The following THSD7B variants were observed in gnomAD, a reference collection of about 807,000 sequenced individuals.
THSD7B encodes the protein thrombospondin type 1 domain containing 7B.
In THSD7B, 138 loss-of-function variants were observed where a neutral mutation model predicts 213.6. That is an observed-to-expected ratio of 0.65 (90% CI 0.56 to 0.74). THSD7B has a LOEUF of 0.74. Ranked by LOEUF, THSD7B falls within the 30% of genes least tolerant of loss-of-function variation. THSD7B has a pLI of 0.00. For missense variants in THSD7B, 1,931 were observed against 1,991.5 expected, an observed-to-expected ratio of 0.97 and a Z score of 0.58; for synonymous variants, 742 against 687.0, an observed-to-expected ratio of 1.08 and a Z score of -1.25.
At chr2:137,111,824 CTACTT>C (rs1688350384) in intron 4 of THSD7B, among the ~76,000 whole-genome samples, 1 of 152,178 alleles carries the variant, frequency 6.6e-6, no homozygotes, top group Non-Finnish European at 1.5e-5. Context: ...GCCATTTACT[CTACTT>C]GAGGCATTTC....
chr2:137,318,767 C>G (rs1390339787), intron 12 of THSD7B, among the ~76,000 whole-genome samples: 2 of 143,682 alleles, frequency 1.4e-5, no homozygotes, highest in Non-Finnish European at 3.0e-5. Context: ...TTTTCCAACT[C>G]TAAAATAGGA....
intron 12 of THSD7B, among the ~76,000 whole-genome samples, chr2:137,361,533 G>A (rs558469948): frequency 2.6e-4 from 39 of 152,218 alleles, no homozygotes; most frequent in African/African-American, 3.6e-4. Context: ...TAGAGAAGAC[G>A]TTAAATGACC....
intron 13 of THSD7B, among the ~76,000 whole-genome samples, chr2:137,410,621 A>G (rs1207396549): frequency 6.6e-6 from 1 of 152,118 alleles, no homozygotes; most frequent in African/African-American, 2.4e-5. Context: ...CATAGAGCCA[A>G]TCATCCCATC....
intron 5 of THSD7B, among the ~76,000 whole-genome samples, chr2:137,121,321 GA>G (rs1415412164): frequency 6.6e-6 from 1 of 152,154 alleles, no homozygotes; most frequent in Non-Finnish European, 1.5e-5. Flanking sequence ...GCACTGAGTA[GA>G]GGTTGCTCTG....
At chr2:136,826,849 A>G (rs1682653049) in intron 1 of THSD7B, among the ~76,000 whole-genome samples, 1 of 152,214 alleles carries the variant, frequency 6.6e-6, no homozygotes, top group Non-Finnish European at 1.5e-5. Context: ...ATGGAGAAGG[A>G]GTGATCTGAC....
At chr2:137,336,305 A>G (rs1684638374) in intron 12 of THSD7B, among the ~76,000 whole-genome samples, 1 of 152,170 alleles carries the variant, frequency 6.6e-6, no homozygotes, top group Non-Finnish European at 1.5e-5. Context: ...TTCCTCCACA[A>G]CCTATTATCT....
At chr2:137,195,199 C>A (rs561972675) in intron 7 of THSD7B, among the ~76,000 whole-genome samples, 1 of 151,470 alleles carries the variant, frequency 6.6e-6, no homozygotes, top group East Asian at 1.9e-4. Context: ...AAAGCAAAAC[C>A]CTGCATATAG....
At chr2:137,296,151 C>T (rs1356708822) in intron 12 of THSD7B, among the ~76,000 whole-genome samples, 1 of 152,062 alleles carries the variant, frequency 6.6e-6, no homozygotes, top group Non-Finnish European at 1.5e-5. Flanking sequence ...TTGCAAATTT[C>T]TTTTGCATGT....
intron 12 of THSD7B, among the ~76,000 whole-genome samples, chr2:137,320,605 G>C (rs1351265157): frequency 6.6e-6 from 1 of 152,104 alleles, no homozygotes; most frequent in Admixed American, 6.5e-5. Context: ...CAAAGCCCAA[G>C]GTCATGCTTT....
intron 2 of THSD7B, among the ~76,000 whole-genome samples, chr2:137,002,602 T>C (rs1310340199): frequency 3.3e-5 from 5 of 152,150 alleles, no homozygotes; most frequent in Admixed American, 2.0e-4. Flanking sequence ...TATTCTCTGT[T>C]CTCTATCATC....
At chr2:137,421,572 T>C (rs1686926706) in intron 14 of THSD7B, among the ~76,000 whole-genome samples, 1 of 152,166 alleles carries the variant, frequency 6.6e-6, no homozygotes, top group Non-Finnish European at 1.5e-5. Flanking sequence ...CACACCACCC[T>C]CCCCGAATTT....
At chr2:137,006,735 A>G (rs1333366199) in intron 2 of THSD7B, among the ~76,000 whole-genome samples, 3 of 152,198 alleles carry the variant, frequency 2.0e-5, no homozygotes, top group Non-Finnish European at 2.9e-5. Flanking sequence ...CTCATTTCCT[A>G]TTTGTTAAAC....
chr2:136,961,624 T>A (rs565871594), intron 2 of THSD7B, among the ~76,000 whole-genome samples: 1 of 152,280 alleles, frequency 6.6e-6, no homozygotes, highest in South Asian at 2.1e-4. Flanking sequence ...TACATATGCA[T>A]GTCCAACTGG....
intron 2 of THSD7B, among the ~76,000 whole-genome samples, chr2:136,887,315 TGTG>T (rs1683735892): frequency 6.6e-6 from 1 of 150,716 alleles, no homozygotes; most frequent in African/African-American, 2.4e-5. Context: ...TGTGTGTGTG[TGTG>T]TGTGTGTGTG....
intron 15 of THSD7B, among the ~76,000 whole-genome samples, chr2:137,463,740 A>C (rs2105083184): frequency 6.6e-6 from 1 of 152,194 alleles, no homozygotes; most frequent in Admixed American, 6.6e-5. Flanking sequence ...TTAGGGGAAA[A>C]GCTGTACATG....
At chr2:137,164,615 T>G (rs756136963) in intron 6 of THSD7B, among the ~76,000 whole-genome samples, 6 of 152,084 alleles carry the variant, frequency 3.9e-5, no homozygotes, top group African/African-American at 7.2e-5. Flanking sequence ...CAATAGCAAA[T>G]ACTTGGAACC....
chr2:137,163,823 C>G (rs1003971788), intron 6 of THSD7B, among the ~76,000 whole-genome samples: 1 of 152,174 alleles, frequency 6.6e-6, no homozygotes, highest in Admixed American at 6.5e-5. Flanking sequence ...ACCAAAGTGT[C>G]AAGAAGTAAG....
At chr2:137,592,448 G>A (rs1290379726) in intron 17 of THSD7B, among the ~76,000 whole-genome samples, 1 of 149,956 alleles carries the variant, frequency 6.7e-6, no homozygotes, top group African/African-American at 2.5e-5. Flanking sequence ...TTTAATTTCT[G>A]TATTTTAGCT....
At chr2:137,091,950 C>T (rs1026894328) in intron 3 of THSD7B, among the ~76,000 whole-genome samples, 3 of 152,126 alleles carry the variant, frequency 2.0e-5, no homozygotes, top group Non-Finnish European at 2.9e-5. Context: ...CTCTGCTTTA[C>T]TTGGCAACAG....
Sources: allele counts gnomAD v4.1 joint callset (sites outside exome capture counted in the v4.1 genomes callset), GRCh38; gene constraint gnomAD v4.1.1; transcripts MANE v1.5; gene names NCBI Gene and HGNC (gene_info 2026-07-23, HGNC 2026-07-21).